The following GNA12 variants were observed in gnomAD, a reference collection of about 807,000 sequenced individuals.
The protein encoded by GNA12 is guanine nucleotide-binding protein subunit alpha-12.
Under a neutral mutation model 26.0 loss-of-function variants are expected in GNA12, and 9 were observed. That is an observed-to-expected ratio of 0.35 (90% CI 0.21 to 0.60). The LOEUF is 0.60. GNA12 is among the 20% of genes least tolerant of loss of function. GNA12 has a pLI of 0.78. For synonymous variants in GNA12, 264 were observed against 219.6 expected (o/e 1.20, Z -1.79); for missense variants, 405 against 525.8 (o/e 0.77, Z 2.25).
At chr7:2,824,740 T>G (rs1202932186) in intron 1 of GNA12, among the ~76,000 whole-genome samples, 1 of 152,194 alleles carries the variant, frequency 6.6e-6, no homozygotes, top group African/African-American at 2.4e-5. Flanking sequence ...CAGGTGGCGA[T>G]TAGGTCATTC....
At chr7:2,800,799 C>T (rs1478502289) in intron 1 of GNA12, among the ~76,000 whole-genome samples, 8 of 152,158 alleles carry the variant, frequency 5.3e-5, no homozygotes, top group Admixed American at 5.2e-4. Flanking sequence ...GAAAATGTGA[C>T]TTGAATAAAC....
intron 1 of GNA12, chr7:2,836,167 T>A (rs1049546886): frequency 4.7e-6 from 1 of 214,796 alleles, no homozygotes; most frequent in East Asian, 1.5e-4. Flanking sequence ...CTGCAGAGGA[T>A]AGAGTGAGGT....
rs773460232 is a variant in GNA12 at position 2,728,311 on chromosome 7, A to G, written c.*2870T>C. The stretch of plus-strand genomic sequence containing the variant: ...TGTCTGTGCCCAGAACCCCTAAATT[A>G]GTTACAACTAATAATCTTCTTTCAA... On this transcript the variant is annotated 3_prime_UTR_variant, in exon 4 of 4. Transcript: ENST00000275364. 1 of 152,264 alleles carries G rather than the reference A, an allele frequency of 6.6e-6. No homozygotes were observed. The highest frequency in any genetic ancestry group is 1.5e-5 in the Non-Finnish European group (1 of 68,024). The allele number at this position is 152,264 out of a possible 1,614,324, so 9.4% of individuals were successfully genotyped here.
chr7:2,739,860 C>T (rs565284871), intron 2 of GNA12, among the ~76,000 whole-genome samples: 45 of 152,092 alleles, frequency 3.0e-4, no homozygotes, highest in Non-Finnish European at 5.7e-4. Flanking sequence ...TTAGTAGAGA[C>T]GGGGGTTTCA....
intron 1 of GNA12, among the ~76,000 whole-genome samples, chr7:2,842,116 G>GAA (rs1295909765): frequency 7.0e-5 from 6 of 85,882 alleles, no homozygotes; most frequent in Non-Finnish European, 1.4e-4. Flanking sequence ...GGAAGGGAAG[G>GAA]GAGGAAGAAA....
chr7:2,802,590 G>A (rs1353747595), intron 1 of GNA12, among the ~76,000 whole-genome samples: 4 of 152,082 alleles, frequency 2.6e-5, no homozygotes, highest in Non-Finnish European at 5.9e-5. Context: ...AAGATAATAT[G>A]AGCCTTTTTC....
chr7:2,741,044 C>G (rs1333674675), intron 2 of GNA12, among the ~76,000 whole-genome samples: 1 of 133,256 alleles, frequency 7.5e-6, no homozygotes, highest in African/African-American at 2.8e-5. Flanking sequence ...GACTCCGTCT[C>G]AAAACAAACA....
chr7:2,752,952 G>C (rs1188033845), intron 2 of GNA12, among the ~76,000 whole-genome samples: 1 of 152,144 alleles, frequency 6.6e-6, no homozygotes, highest in Non-Finnish European at 1.5e-5. Context: ...GCAATCAAGA[G>C]ACACAACTGT....
intron 1 of GNA12, among the ~76,000 whole-genome samples, chr7:2,821,049 G>A (rs1370163955): frequency 6.6e-6 from 1 of 152,204 alleles, no homozygotes; most frequent in Non-Finnish European, 1.5e-5. Context: ...CTACATCCAT[G>A]TTTTCATCAA....
chr7:2,773,302 G>A lies in GNA12; in HGVS notation c.525+21626C>T, dbSNP rs138850212. Among the ~76,000 whole-genome samples, 955 of 152,308 alleles carry A rather than the reference G, an allele frequency of 6.3e-3. 8 individuals carry two copies. The highest frequency in any genetic ancestry group is 0.022 in the African/African-American group (913 of 41,566). The stretch of plus-strand genomic sequence containing the variant: ...AACAAGGCTGGGGGCGGTGGCTCAC[G>A]CCTGTAATCCCAGCACTTTGGGAGG... On this transcript the variant is annotated intron_variant, in intron 2 of 3. Transcript: ENST00000275364.
intron 2 of GNA12, among the ~76,000 whole-genome samples, chr7:2,792,426 C>T (rs548429829): frequency 5.1e-4 from 78 of 152,350 alleles, no homozygotes; most frequent in African/African-American, 1.8e-3. Context: ...ACACCCTGCA[C>T]TGACGGAACA....
chr7:2,825,751 A>G (rs890939681), intron 1 of GNA12, among the ~76,000 whole-genome samples: 1 of 152,224 alleles, frequency 6.6e-6, no homozygotes, highest in Non-Finnish European at 1.5e-5. Context: ...GATGCAGGAC[A>G]GAGAAGCCAG....
Position 2,776,450 on chromosome 7 carries a change from TGACA to T in GNA12, c.525+18474_525+18477del, listed in dbSNP as rs1166150510. Among the ~76,000 whole-genome samples, 10 of 152,328 alleles carry T rather than the reference TGACA, an allele frequency of 6.6e-5. No homozygotes were observed. The East Asian group carries it at 1.7e-3, about 26-fold the overall frequency. ...AGACGCATCCTCCTCGGAGTGAGTC[TGACA>T]GAGCAGCGGAACGGGGAGTTAAAAC... On this transcript the variant is annotated intron_variant, in intron 2 of 3. Transcript: ENST00000275364.
chr7:2,765,803 G>GT (rs911241157), intron 2 of GNA12, among the ~76,000 whole-genome samples: 1 of 151,540 alleles, frequency 6.6e-6, no homozygotes, highest in African/African-American at 2.4e-5. Context: ...GCTAATTTTT[G>GT]TTTTTTAGTA....
chr7:2,834,999 C>G (rs1415504427), intron 1 of GNA12, among the ~76,000 whole-genome samples: 1 of 152,178 alleles, frequency 6.6e-6, no homozygotes, highest in African/African-American at 2.4e-5. Flanking sequence ...GACTATACAT[C>G]TGCATATAAG....
intron 2 of GNA12, among the ~76,000 whole-genome samples, chr7:2,760,821 CAG>C (rs1317976042): frequency 2.0e-5 from 3 of 152,164 alleles, no homozygotes; most frequent in African/African-American, 7.2e-5. Context: ...ACCAAGTCAC[CAG>C]AGGTTAGCTT....
At chr7:2,743,124 G>A (rs1283163866) in intron 2 of GNA12, among the ~76,000 whole-genome samples, 1 of 152,194 alleles carries the variant, frequency 6.6e-6, no homozygotes, top group Admixed American at 6.5e-5. Context: ...GTCAGTGAGG[G>A]AGACCTCAAG....
Position 2,785,550 on chromosome 7 carries a change from T to C in GNA12, c.525+9378A>G, listed in dbSNP as rs1792336660. Among the ~76,000 whole-genome samples the C allele has an allele frequency of 1.3e-5, 2 of 152,268 alleles. 1 individual carries two copies. Among genetic ancestry groups the C allele is most frequent in the South Asian group, 4.1e-4 (2 of 4,836 alleles). On this transcript the variant is annotated intron_variant, in intron 2 of 3. Coordinates refer to ENST00000275364, the MANE Select transcript of GNA12 (RefSeq NM_007353.3). ...GATGGTTTAATATCTGAAATAACTC[T>C]ATTTTCTCTAGAAATTATTCACTTA...
At chr7:2,754,841 G>A (rs868714999) in intron 2 of GNA12, among the ~76,000 whole-genome samples, 1 of 152,174 alleles carries the variant, frequency 6.6e-6, no homozygotes, top group Non-Finnish European at 1.5e-5. Flanking sequence ...TCACTAGGGC[G>A]TCATGTCTAA....
Sources: allele counts gnomAD v4.1 joint callset (sites outside exome capture counted in the v4.1 genomes callset), GRCh38; gene constraint gnomAD v4.1.1; transcripts MANE v1.5; gene names NCBI Gene and HGNC (gene_info 2026-07-23, HGNC 2026-07-21).